LRP1B: variants seen among roughly 807,000 people sequenced by gnomAD.
LRP1B encodes low-density lipoprotein receptor-related protein 1B.
LRP1B carries 217 observed loss-of-function variants against 556.6 expected under a neutral mutation model. The observed-to-expected ratio is 0.39, with a 90% CI of 0.35 to 0.44. The LOEUF (loss-of-function observed/expected upper bound fraction) is 0.44, where lower values mean the gene tolerates loss of function less well. LRP1B is among the 20% of genes least tolerant of loss of function. The pLI is 1.00. For synonymous variants in LRP1B, 2,047 were observed against 1,865.8 expected (o/e 1.10, Z -2.50); for missense variants, 5,053 against 5,620.8 (o/e 0.90, Z 3.23).
chr2:140,767,327 T>A (rs755578764), intron 35 of LRP1B, among the ~76,000 whole-genome samples: 7 of 151,998 alleles, frequency 4.6e-5, no homozygotes, highest in Non-Finnish European at 7.4e-5. Context: ...AATAAAAATA[T>A]GGTAGGCAAA....
chr2:141,721,325 A>T (rs1014126312), intron 2 of LRP1B, among the ~76,000 whole-genome samples: 1 of 152,162 alleles, frequency 6.6e-6, no homozygotes, highest in African/African-American at 2.4e-5. Context: ...TTCTTAAAGA[A>T]GCATTTGAGT....
intron 2 of LRP1B, among the ~76,000 whole-genome samples, chr2:141,485,040 T>C (rs1036307108): frequency 6.6e-6 from 1 of 152,118 alleles, no homozygotes; most frequent in Non-Finnish European, 1.5e-5. Flanking sequence ...CAGCTACTTA[T>C]AAATTTTGAG....
intron 2 of LRP1B, among the ~76,000 whole-genome samples, chr2:141,596,718 C>T (rs1487003518): frequency 6.6e-6 from 1 of 151,762 alleles, no homozygotes; most frequent in East Asian, 1.9e-4. Context: ...GACTTCAGTG[C>T]AAAGCACAGA....
intron 21 of LRP1B, among the ~76,000 whole-genome samples, chr2:140,916,973 G>A (rs1025634019): frequency 6.6e-6 from 1 of 152,160 alleles, no homozygotes; most frequent in Non-Finnish European, 1.5e-5. Flanking sequence ...AAATCTGCAA[G>A]GCATTCTACT....
At chr2:140,575,203 G>C (rs1681472734) in intron 43 of LRP1B, among the ~76,000 whole-genome samples, 1 of 152,046 alleles carries the variant, frequency 6.6e-6, no homozygotes, top group South Asian at 2.1e-4. Context: ...GGGTGAGAGA[G>C]GAACTAGCTC....
chr2:142,069,416 T>C (rs1235511586), intron 1 of LRP1B, among the ~76,000 whole-genome samples: 1 of 151,548 alleles, frequency 6.6e-6, no homozygotes, highest in East Asian at 1.9e-4. Context: ...CTCTGCCTTA[T>C]ACAGGAAGAC....
chr2:141,968,595 T>C (rs950431393), intron 1 of LRP1B, among the ~76,000 whole-genome samples: 1 of 151,626 alleles, frequency 6.6e-6, no homozygotes, highest in Non-Finnish European at 1.5e-5. Flanking sequence ...AAGCACAGAG[T>C]ACACATGAAA....
At chr2:140,307,551 T>G (rs1684120786) in intron 83 of LRP1B, among the ~76,000 whole-genome samples, 1 of 151,806 alleles carries the variant, frequency 6.6e-6, no homozygotes, top group South Asian at 2.1e-4. Flanking sequence ...TAATATATTT[T>G]TAAGTATATA....
intron 2 of LRP1B, among the ~76,000 whole-genome samples, chr2:141,596,254 A>T (rs573064933): frequency 6.6e-6 from 1 of 152,024 alleles, no homozygotes; most frequent in Non-Finnish European, 1.5e-5. Flanking sequence ...TTAAGAATGA[A>T]AAAAATGTTT....
chr2:141,566,111 T>A (rs1480554764), intron 2 of LRP1B, among the ~76,000 whole-genome samples: 1 of 151,888 alleles, frequency 6.6e-6, no homozygotes, highest in East Asian at 1.9e-4. Flanking sequence ...ATTAAAATAC[T>A]TTAACAACTA....
chr2:141,028,809 T>C (rs917127790), intron 11 of LRP1B, among the ~76,000 whole-genome samples: 1 of 152,118 alleles, frequency 6.6e-6, no homozygotes, highest in Non-Finnish European at 1.5e-5. Flanking sequence ...TGAACTGTTC[T>C]AGGCCCTAAG....
At chr2:140,314,199 A>G (rs983590575) in intron 83 of LRP1B, among the ~76,000 whole-genome samples, 1 of 152,012 alleles carries the variant, frequency 6.6e-6, no homozygotes, top group African/African-American at 2.4e-5. Flanking sequence ...GTGCTCATAG[A>G]TTGCACTATA....
intron 3 of LRP1B, among the ~76,000 whole-genome samples, chr2:141,366,691 T>A (rs1190301120): frequency 6.6e-6 from 1 of 152,204 alleles, no homozygotes; most frequent in African/African-American, 2.4e-5. Flanking sequence ...CATTCTTAAG[T>A]AAAGGAGATT....
intron 1 of LRP1B, among the ~76,000 whole-genome samples, chr2:141,850,630 G>GTGTGTGTT: frequency 7.0e-6 from 1 of 141,868 alleles, no homozygotes; most frequent in African/African-American, 3.0e-5. Context: ...CTCTGTGTGT[G>GTGTGTGTT]TGTGTGTGTG....
At chr2:141,807,855 G>A (rs890158727) in intron 2 of LRP1B, among the ~76,000 whole-genome samples, 19 of 152,014 alleles carry the variant, frequency 1.2e-4, no homozygotes, top group East Asian at 7.7e-4. Context: ...AATACTGGTC[G>A]GTGCATACAG....
At chr2:140,632,517 T>G (rs974753612) in intron 41 of LRP1B, among the ~76,000 whole-genome samples, 2 of 151,920 alleles carry the variant, frequency 1.3e-5, no homozygotes, top group African/African-American at 2.4e-5. Context: ...ATAATTGATA[T>G]GCTAAAAGAG....
chr2:141,229,460 G>C lies in LRP1B; in HGVS notation c.593-20C>G, dbSNP rs774404079. Reference sequence around the variant, plus strand: ...TAGGTTCTGGAATAAAATAGAAAAAGAGAAGTAAATTCAGTAAGAGTCAAG... The same window carrying C: ...TAGGTTCTGGAATAAAATAGAAAAACAGAAGTAAATTCAGTAAGAGTCAAG... On this transcript the variant is annotated intron_variant, in intron 5 of 90. Coordinates refer to ENST00000389484, the MANE Select transcript of LRP1B (RefSeq NM_018557.3). 1 of 1,490,054 alleles carries C rather than the reference G, an allele frequency of 6.7e-7. No individual in the cohort carries two copies. Among genetic ancestry groups the C allele is most frequent in the Non-Finnish European group, 9.2e-7 (1 of 1,087,652 alleles). The allele number at this position is 1,490,054 out of a possible 1,614,324, so 92.3% of individuals were successfully genotyped here. A position where few individuals can be genotyped will look rare whatever the true frequency, so the allele number is the denominator to read the frequency against.
At chr2:141,864,948 G>C (rs763357675) in intron 1 of LRP1B, among the ~76,000 whole-genome samples, 6 of 152,126 alleles carry the variant, frequency 3.9e-5, no homozygotes, top group African/African-American at 1.2e-4. Context: ...TGTTAATAAA[G>C]CTCATGTCAA....
Position 141,568,920 on chromosome 2 carries a change from A to ATT in LRP1B, c.206-88389_206-88388dup, listed in dbSNP as rs70994438. ...AGGTGTGTGCCACCATGCCCAGTTA[A>ATT]TTTTTTTTTTTTTGTATTTATATTT... On this transcript the variant is annotated intron_variant, in intron 2 of 90. Coordinates refer to ENST00000389484, the MANE Select transcript of LRP1B (RefSeq NM_018557.3). Among the ~76,000 whole-genome samples the ATT allele has an allele frequency of 2.7e-3, 385 of 143,034 alleles. 15 individuals are homozygous for ATT. Among genetic ancestry groups the ATT allele is most frequent in the East Asian group, 0.026 (129 of 4,890 alleles). The allele number at this position is 143,034 out of a possible 152,430, so 93.8% of individuals were successfully genotyped here. A position where few individuals can be genotyped will look rare whatever the true frequency, so the allele number is the denominator to read the frequency against.
Sources: gnomAD v4.1 joint callset for allele counts (sites outside exome capture counted in the v4.1 genomes callset) on GRCh38, gnomAD v4.1.1 for gene constraint, MANE v1.5 for transcripts, NCBI Gene and HGNC (gene_info 2026-07-23, HGNC 2026-07-21) for gene names.